The following OPCML variants were observed in gnomAD, a reference collection of about 807,000 sequenced individuals.
OPCML encodes opioid binding protein/cell adhesion molecule like, also known as opioid-binding protein/cell adhesion molecule.
Under a neutral mutation model 37.8 loss-of-function variants are expected in OPCML, and 13 were observed. The observed-to-expected ratio is 0.34, with a 90% CI of 0.22 to 0.55. The LOEUF is 0.55. Ranked by LOEUF, OPCML falls within the 20% of genes least tolerant of loss-of-function variation. The pLI is 0.91. For synonymous variants in OPCML, 176 were observed against 168.8 expected, an observed-to-expected ratio of 1.04 and a Z score of -0.33; for missense variants, 341 against 435.6, an observed-to-expected ratio of 0.78 and a Z score of 1.93.
intron 1 of OPCML, among the ~76,000 whole-genome samples, chr11:133,386,912 G>A (rs548385874): frequency 3.3e-5 from 5 of 152,308 alleles, no homozygotes; most frequent in African/African-American, 1.2e-4. Context: ...GGGTATCTGT[G>A]AGGGCTGAGT....
At chr11:133,085,220 A>C (rs1948801207) in intron 1 of OPCML, among the ~76,000 whole-genome samples, 2 of 152,246 alleles carry the variant, frequency 1.3e-5, no homozygotes, top group Admixed American at 6.5e-5. Context: ...TGTGCCAGAC[A>C]TGGGGCTCCA....
At chr11:132,834,151 G>T (rs1940873658) in intron 2 of OPCML, among the ~76,000 whole-genome samples, 1 of 152,146 alleles carries the variant, frequency 6.6e-6, no homozygotes, top group African/African-American at 2.4e-5. Context: ...AAAAAGCAAT[G>T]GGCCTTCTTT....
chr11:132,809,883 C>T (rs943348678), intron 2 of OPCML, among the ~76,000 whole-genome samples: 5 of 152,084 alleles, frequency 3.3e-5, no homozygotes, highest in East Asian at 1.9e-4. Context: ...CGGTATCTTG[C>T]TCTGTCGCCA....
At chr11:132,644,491 A>G in intron 3 of OPCML, among the ~76,000 whole-genome samples, 1 of 152,254 alleles carries the variant, frequency 6.6e-6, no homozygotes, top group African/African-American at 2.4e-5. Context: ...AAAAAATAAG[A>G]AAGAAAAAAA....
intron 1 of OPCML, among the ~76,000 whole-genome samples, chr11:133,077,486 A>G (rs1018142256): frequency 7.9e-5 from 12 of 152,214 alleles, no homozygotes. Flanking sequence ...AAATTATAAA[A>G]TCAATAAAGG....
intron 2 of OPCML, among the ~76,000 whole-genome samples, chr11:132,776,853 C>T (rs1026682330): frequency 6.6e-6 from 1 of 152,118 alleles, no homozygotes; most frequent in African/African-American, 2.4e-5. Flanking sequence ...GCCTGGATCC[C>T]AGGTCAGTGC....
At chr11:133,048,289 C>T (rs572050267) in intron 1 of OPCML, among the ~76,000 whole-genome samples, 5 of 152,216 alleles carry the variant, frequency 3.3e-5, no homozygotes, top group South Asian at 4.1e-4. Flanking sequence ...GAGACACAGG[C>T]GTGCATTAAC....
At chr11:132,744,069 G>A (rs747215544) in intron 2 of OPCML, among the ~76,000 whole-genome samples, 19 of 152,274 alleles carry the variant, frequency 1.2e-4, no homozygotes, top group African/African-American at 1.9e-4. Flanking sequence ...GCAAAGCTTC[G>A]TTAGCCTATT....
chr11:132,870,892 T>G (rs1341414148), intron 2 of OPCML, among the ~76,000 whole-genome samples: 2 of 152,158 alleles, frequency 1.3e-5, no homozygotes, highest in Non-Finnish European at 2.9e-5. Context: ...CAGTGGTTAC[T>G]AGGGGTAAGG....
chr11:132,872,491 G>C (rs1266118000), intron 2 of OPCML, among the ~76,000 whole-genome samples: 1 of 152,068 alleles, frequency 6.6e-6, no homozygotes, highest in African/African-American at 2.4e-5. Flanking sequence ...CCACAAGTGA[G>C]CAACTCCAGG....
intron 1 of OPCML, among the ~76,000 whole-genome samples, chr11:133,161,058 C>T (rs1380202502): frequency 2.0e-5 from 3 of 152,154 alleles, no homozygotes; most frequent in African/African-American, 7.2e-5. Context: ...TTTCACAACT[C>T]CTGCCTTACC....
chr11:132,643,177 T>C (rs1436590175), intron 3 of OPCML, among the ~76,000 whole-genome samples: 1 of 152,168 alleles, frequency 6.6e-6, no homozygotes, highest in Non-Finnish European at 1.5e-5. Flanking sequence ...CTCGGGAAGC[T>C]GAGGCATGAG....
At chr11:132,457,352 C>G (rs554111243) in intron 4 of OPCML, among the ~76,000 whole-genome samples, 1 of 152,272 alleles carries the variant, frequency 6.6e-6, no homozygotes, top group Admixed American at 6.5e-5. Context: ...GCTCTTAAGA[C>G]GCTTACAATA....
chr11:133,168,615 T>C lies in OPCML; in HGVS notation c.62-225605A>G, dbSNP rs373471757. ...AATTTATGGTGAGTTGTTTTGTAGC[T>C]AGCCTTAGTTGATTCTATCTTGCCT... On this transcript the variant is annotated intron_variant, in intron 1 of 7. Coordinates refer to ENST00000524381, the MANE Select transcript of OPCML (RefSeq NM_001012393.5). Among the ~76,000 whole-genome samples the C allele has an allele frequency of 5.9e-5, 9 of 152,336 alleles. No homozygotes were observed. The East Asian group carries it at 1.5e-3, about 26-fold the overall frequency.
intron 1 of OPCML, among the ~76,000 whole-genome samples, chr11:133,352,415 C>T (rs1275634162): frequency 6.6e-6 from 1 of 152,208 alleles, no homozygotes; most frequent in Non-Finnish European, 1.5e-5. Context: ...TTTCTTCTCA[C>T]ACTAGCCCTC....
At chr11:133,139,279 T>C (rs972186686) in intron 1 of OPCML, among the ~76,000 whole-genome samples, 1 of 152,222 alleles carries the variant, frequency 6.6e-6, no homozygotes, top group African/African-American at 2.4e-5. Context: ...AAAACAATAA[T>C]CGTTGCTAGC....
chr11:132,771,015 G>T (rs1946618251), intron 2 of OPCML, among the ~76,000 whole-genome samples: 1 of 152,102 alleles, frequency 6.6e-6, no homozygotes, highest in African/African-American at 2.4e-5. Context: ...GTTATTCTTG[G>T]CACTAGGAGT....
intron 2 of OPCML, among the ~76,000 whole-genome samples, chr11:132,697,329 G>A (rs569840155): frequency 2.6e-5 from 4 of 152,178 alleles, no homozygotes; most frequent in East Asian, 1.9e-4. Context: ...TCAAGTATGC[G>A]ATACACTATT....
intron 1 of OPCML, among the ~76,000 whole-genome samples, chr11:133,287,275 C>CTTTTTTTTTTTT (rs760838065): frequency 9.1e-5 from 11 of 120,972 alleles, no homozygotes; most frequent in African/African-American, 2.1e-4. Flanking sequence ...TTCTTTCTTT[C>CTTTTTTTTTTTT]TTTTTTTTTT....
Sources: allele counts gnomAD v4.1 joint callset (sites outside exome capture counted in the v4.1 genomes callset), GRCh38; gene constraint gnomAD v4.1.1; transcripts MANE v1.5; gene names NCBI Gene and HGNC (gene_info 2026-07-23, HGNC 2026-07-21).